The following AUTS2 variants were observed in gnomAD, a reference collection of about 807,000 sequenced individuals.
The protein encoded by AUTS2 is autism susceptibility gene 2 protein.
A neutral mutation model predicts 112.4 loss-of-function variants in AUTS2; 17 were observed. The ratio of observed to expected loss-of-function variants is 0.15; its 90% CI spans 0.10 to 0.23. The LOEUF (loss-of-function observed/expected upper bound fraction) is 0.23, where lower values mean the gene tolerates loss of function less well. Ranked by LOEUF, AUTS2 falls within the 10% of genes least tolerant of loss-of-function variation. The pLI is 1.00. For missense variants in AUTS2, 1,510 were observed against 1,701.6 expected, an observed-to-expected ratio of 0.89 and a Z score of 1.98; for synonymous variants, 751 against 702.7, an observed-to-expected ratio of 1.07 and a Z score of -1.09.
intron 5 of AUTS2, among the ~76,000 whole-genome samples, chr7:70,696,179 G>A (rs1253540790): frequency 6.6e-6 from 1 of 152,190 alleles, no homozygotes; most frequent in Non-Finnish European, 1.5e-5. Flanking sequence ...AGGAAAGTTC[G>A]TTGAGGAAAA....
chr7:70,334,120 G>A (rs1302735202), intron 4 of AUTS2, among the ~76,000 whole-genome samples: 1 of 152,148 alleles, frequency 6.6e-6, no homozygotes, highest in Non-Finnish European at 1.5e-5. Context: ...AACTTCCAGT[G>A]CAATGTTGAA....
intron 4 of AUTS2, among the ~76,000 whole-genome samples, chr7:70,156,468 TC>T (rs1468343613): frequency 1.3e-5 from 2 of 152,084 alleles, no homozygotes; most frequent in Non-Finnish European, 2.9e-5. Context: ...TTTTGCATCT[TC>T]CTGAGCTCAG....
At chr7:70,499,051 C>T (rs1213816241) in intron 5 of AUTS2, among the ~76,000 whole-genome samples, 1 of 152,168 alleles carries the variant, frequency 6.6e-6, no homozygotes, top group African/African-American at 2.4e-5. Flanking sequence ...TCTTTCAGCT[C>T]ACTTCTACCG....
chr7:70,785,823 AG>A (rs1170143074), intron 16 of AUTS2, 131 bp from the exon 17 acceptor site: 1 of 736,990 alleles, frequency 1.4e-6, no homozygotes, highest in South Asian at 1.7e-5. Context: ...ACCATCTGGT[AG>A]GAAAAGTGGG....
intron 1 of AUTS2, among the ~76,000 whole-genome samples, chr7:69,638,928 A>C (rs1229771631): frequency 6.6e-6 from 1 of 152,274 alleles, no homozygotes; most frequent in Admixed American, 6.5e-5. Context: ...TAGCTTTTGC[A>C]TACAGTGTTT....
At chr7:69,963,465 C>A (rs1352554847) in intron 2 of AUTS2, among the ~76,000 whole-genome samples, 1 of 152,084 alleles carries the variant, frequency 6.6e-6, no homozygotes, top group African/African-American at 2.4e-5. Context: ...TGGACTTAAT[C>A]AGAGGATAAT....
chr7:69,813,775 G>C (rs1382516516), intron 1 of AUTS2, among the ~76,000 whole-genome samples: 1 of 152,206 alleles, frequency 6.6e-6, no homozygotes, highest in Admixed American at 6.5e-5. Flanking sequence ...TATATTTAAA[G>C]CACCTAGCCC....
At chr7:69,662,318 T>C (rs1795841249) in intron 1 of AUTS2, among the ~76,000 whole-genome samples, 1 of 152,156 alleles carries the variant, frequency 6.6e-6, no homozygotes, top group Non-Finnish European at 1.5e-5. Context: ...TTTGGAGGCA[T>C]TATTTTCTGG....
chr7:70,493,159 G>A (rs1798316277), intron 5 of AUTS2, among the ~76,000 whole-genome samples: 1 of 152,098 alleles, frequency 6.6e-6, no homozygotes, highest in African/African-American at 2.4e-5. Context: ...GGCATGTGTG[G>A]GAAAAGGTAT....
chr7:69,756,438 C>G (rs915980503), intron 1 of AUTS2, among the ~76,000 whole-genome samples: 2 of 152,126 alleles, frequency 1.3e-5, no homozygotes, highest in African/African-American at 4.8e-5. Flanking sequence ...AAGGAAATGC[C>G]TAAACACAGG....
At chr7:69,716,932 G>A (rs1798639795) in intron 1 of AUTS2, among the ~76,000 whole-genome samples, 1 of 152,140 alleles carries the variant, frequency 6.6e-6, no homozygotes, top group South Asian at 2.1e-4. Context: ...GGAGAGAAGG[G>A]GAGTGAGTGG....
chr7:69,605,076 C>G (rs1241013613), intron 1 of AUTS2, among the ~76,000 whole-genome samples: 1 of 152,202 alleles, frequency 6.6e-6, no homozygotes. Flanking sequence ...TGTGTTGTGC[C>G]TAATTTCCTA....
intron 5 of AUTS2, among the ~76,000 whole-genome samples, chr7:70,605,540 C>CT (rs1803691102): frequency 1.5e-5 from 1 of 68,068 alleles, no homozygotes; most frequent in East Asian, 3.9e-4. Context: ...TTCTTTCCTT[C>CT]TTTCTCTTTT....
intron 1 of AUTS2, among the ~76,000 whole-genome samples, chr7:69,752,469 G>C (rs1332012305): frequency 1.3e-5 from 2 of 152,196 alleles, no homozygotes; most frequent in Admixed American, 6.5e-5. Context: ...TTCTGAACCA[G>C]ATGCCGTGAA....
chr7:69,699,968 T>C (rs993703595), intron 1 of AUTS2, among the ~76,000 whole-genome samples: 3 of 152,188 alleles, frequency 2.0e-5, no homozygotes, highest in African/African-American at 7.2e-5. Context: ...ATCCTGGGTG[T>C]GTGTTCAGTT....
intron 5 of AUTS2, among the ~76,000 whole-genome samples, chr7:70,592,304 C>T (rs1415327877): frequency 6.6e-6 from 1 of 152,130 alleles, no homozygotes; most frequent in African/African-American, 2.4e-5. Flanking sequence ...TTGAATTCAG[C>T]TCTGCCACTT....
Position 70,789,836 on chromosome 7 carries a change from G to A in AUTS2, c.2620G>A (p.Glu874Lys). The change falls in exon 19 of 19, where the codon GAA becomes AAA. Residue 874 changes from glutamate to lysine, a missense_variant. By Grantham distance (56) the Glu-to-Lys change is moderately conservative. Around this residue, in one of 3 missense-constraint regions of AUTS2, gnomAD observed 788 missense variants for 797.6 expected, o/e 0.99. Coordinates refer to ENST00000342771, the MANE Select transcript of AUTS2 (RefSeq NM_015570.4). Reference sequence around the variant, plus strand: ...CCTGGGACATACCCGCAGCTCCACTGAACAGATCCGGGCTCATCTGAACAC... The same window carrying A: ...CCTGGGACATACCCGCAGCTCCACTAAACAGATCCGGGCTCATCTGAACAC... Reference protein sequence around the residue: ...NALGHTRSSTEQIRAHLNTEA... With the variant: ...NALGHTRSSTKQIRAHLNTEA... 1.2e-6 allele frequency: 2 copies of A among 1,614,162 alleles called. No homozygotes were observed. The highest frequency in any genetic ancestry group is 1.7e-6 in the Non-Finnish European group (2 of 1,180,040).
chr7:69,950,219 CAA>C (rs1005367924), intron 2 of AUTS2, among the ~76,000 whole-genome samples: 2 of 152,014 alleles, frequency 1.3e-5, no homozygotes, highest in Admixed American at 6.6e-5. Context: ...AAACGTAGCA[CAA>C]AGTTTCTGCA....
chr7:69,935,489 G>C (rs1401325609), intron 2 of AUTS2, among the ~76,000 whole-genome samples: 1 of 152,180 alleles, frequency 6.6e-6, no homozygotes, highest in Non-Finnish European at 1.5e-5. Context: ...TTGGAAAAGT[G>C]CCAGCCTATT....
Sources: gnomAD v4.1 joint callset for allele counts (sites outside exome capture counted in the v4.1 genomes callset) on GRCh38, gnomAD v4.1.1 for gene constraint, gnomAD v4.1.1 regional missense constraint, MANE v1.5 for transcripts, NCBI Gene and HGNC (gene_info 2026-07-23, HGNC 2026-07-21) for gene names.